PVALEF: variants seen among roughly 807,000 people sequenced by gnomAD.
PVALEF encodes the protein parvalbumin like EF-hand containing, also known as parvalbumin-like EF-hand-containing protein.
PVALEF carries 2 observed loss-of-function variants against 1.2 expected under a neutral mutation model. That is an observed-to-expected ratio of 1.68 (90% confidence interval 0.69 to 5.28). The LOEUF (loss-of-function observed/expected upper bound fraction) is 5.28, where lower values mean the gene tolerates loss of function less well. PVALEF is among the 30% of genes most tolerant of loss of function. The pLI is 0.06. For missense variants in PVALEF, 35 were observed against 17.7 expected (o/e 1.97, Z -1.75); for synonymous variants, 16 against 6.5 (o/e 2.47, Z -2.24).
chr17:81,182,872 C>T (rs561826558), intron 6 of PVALEF, 93 bp from the exon 7 acceptor site: 19 of 397,560 alleles, frequency 4.8e-5, no homozygotes, highest in African/African-American at 3.5e-4. Flanking sequence ...AGTCCAGGCA[C>T]ACTCCCTCTG....
chr17:81,167,087 G>T (rs1011751875), intron 2 of PVALEF, among the ~76,000 whole-genome samples: 1 of 152,226 alleles, frequency 6.6e-6, no homozygotes, highest in East Asian at 1.9e-4. Flanking sequence ...GTGCTCAGGG[G>T]TTCCAGACCA....
chr17:81,176,426 C>T (rs777759569), intron 2 of PVALEF, among the ~76,000 whole-genome samples: 82 of 151,984 alleles, frequency 5.4e-4, no homozygotes, highest in Non-Finnish European at 8.1e-4. Context: ...GGCTGAGGCA[C>T]GAGAATCATT....
chr17:81,174,050 G>A (rs888061716), intron 2 of PVALEF, among the ~76,000 whole-genome samples: 1 of 152,146 alleles, frequency 6.6e-6, no homozygotes, highest in Non-Finnish European at 1.5e-5. Flanking sequence ...GAAAACACGT[G>A]ATTATCTCAA....
At chr17:81,180,361 G>C (rs2061549606) in intron 3 of PVALEF, among the ~76,000 whole-genome samples, 2 of 152,228 alleles carry the variant, frequency 1.3e-5, no homozygotes, top group Non-Finnish European at 2.9e-5. Context: ...CAAGATGCCA[G>C]GGTTGGGGAA....
chr17:81,169,621 T>G (rs1436694097), intron 2 of PVALEF, among the ~76,000 whole-genome samples: 1 of 151,906 alleles, frequency 6.6e-6, no homozygotes, highest in Non-Finnish European at 1.5e-5. Flanking sequence ...CCCCTCCAGA[T>G]GCTCCAGGGG....
At chr17:81,166,115 C>A (rs2061487986) in intron 1 of PVALEF, 1 of 438,710 alleles carries the variant, frequency 2.3e-6, no homozygotes, top group Non-Finnish European at 3.0e-6. Context: ...GGCCCCCGCG[C>A]CCCGCGCCCC....
Position 81,169,974 on chromosome 17 carries a change from ACATGTGTGTG to A in PVALEF, c.-340+3141_-340+3150del, listed in dbSNP as rs201401932. On this transcript the variant is annotated intron_variant, in intron 2 of 6. Transcript: ENST00000637878. Reference sequence around the variant, plus strand: ...CACGTGTGTCGGTGTTGGTATGTGTACATGTGTGTGCATGTGTGTGTGTTGGTGTGTCTGC... The same window carrying A: ...CACGTGTGTCGGTGTTGGTATGTGTACATGTGTGTGTGTTGGTGTGTCTGC... Among the ~76,000 whole-genome samples the A allele has an allele frequency of 4.1e-3, 557 of 135,960 alleles. 30 individuals carry two copies. In the East Asian group the frequency reaches 0.093, roughly 23 times the overall value. The allele number at this position is 135,960 out of a possible 152,430, so 89.2% of individuals were successfully genotyped here. A position where few individuals can be genotyped will look rare whatever the true frequency, so the allele number is the denominator to read the frequency against.
chr17:81,168,801 T>C (rs536369404), intron 2 of PVALEF, among the ~76,000 whole-genome samples: 1 of 151,276 alleles, frequency 6.6e-6, no homozygotes, highest in East Asian at 1.9e-4. Context: ...AGCCTGGGGG[T>C]CTGGGGATTA....
intron 1 of PVALEF, 91 bp downstream of exon 1, chr17:81,165,838 G>C: frequency 6.6e-7 from 1 of 1,522,352 alleles, no homozygotes; most frequent in Non-Finnish European, 8.8e-7. Flanking sequence ...GGCGGGGAAA[G>C]GGTTAATTTC....
chr17:81,174,310 G>C (rs1213546981), intron 2 of PVALEF, among the ~76,000 whole-genome samples: 1 of 152,158 alleles, frequency 6.6e-6, no homozygotes, highest in Non-Finnish European at 1.5e-5. Context: ...GCAAGAAAAA[G>C]AAATAAAAGG....
intron 2 of PVALEF, among the ~76,000 whole-genome samples, chr17:81,170,161 G>A (rs1157437703): frequency 6.6e-6 from 1 of 151,610 alleles, no homozygotes; most frequent in Admixed American, 6.6e-5. Context: ...CATATGTGGT[G>A]TGTGTGCATG....
chr17:81,169,934 C>T (rs1307094057), intron 2 of PVALEF, among the ~76,000 whole-genome samples: 1 of 148,562 alleles, frequency 6.7e-6, no homozygotes, highest in Non-Finnish European at 1.5e-5. Flanking sequence ...GCATGTGTGT[C>T]TGCATATGTG....
Position 81,168,980 on chromosome 17 carries a change from A to G in PVALEF, c.-340+2136A>G, listed in dbSNP as rs1013366300. On this transcript the variant is annotated intron_variant, in intron 2 of 6. Coordinates refer to ENST00000637878, the MANE Select transcript of PVALEF (RefSeq NM_001354639.2). The stretch of plus-strand genomic sequence containing the variant: ...AAGCTCTGACCACACTATAACATGC[A>G]TGACACATGCTACCACATGGATGAC... Among the ~76,000 whole-genome samples, 23 of 152,394 alleles carry G rather than the reference A, an allele frequency of 1.5e-4. 1 individual carries two copies. The highest frequency in any genetic ancestry group is 4.6e-4 in the African/African-American group (19 of 41,596).
At chr17:81,171,624 TG>T (rs1451509271) in intron 2 of PVALEF, among the ~76,000 whole-genome samples, 1 of 152,114 alleles carries the variant, frequency 6.6e-6, no homozygotes, top group Admixed American at 6.5e-5. Context: ...CCCAAGTAGC[TG>T]GGACTACAGG....
chr17:81,174,555 G>A (rs892460128), intron 2 of PVALEF, among the ~76,000 whole-genome samples: 7 of 151,802 alleles, frequency 4.6e-5, no homozygotes, highest in South Asian at 2.1e-4. Flanking sequence ...TCTTGAACCC[G>A]GGAGGCAGAG....
intron 3 of PVALEF, among the ~76,000 whole-genome samples, chr17:81,180,715 C>T (rs1417164746): frequency 6.6e-6 from 1 of 152,194 alleles, no homozygotes; most frequent in African/African-American, 2.4e-5. Context: ...GGGTTGCAAC[C>T]CTTGACCTAT....
At chr17:81,178,250 G>C (rs926419628) in intron 2 of PVALEF, among the ~76,000 whole-genome samples, 2 of 152,198 alleles carry the variant, frequency 1.3e-5, no homozygotes, top group Admixed American at 1.3e-4. Flanking sequence ...CACGGCCTAT[G>C]TAAGAGGCCC....
intron 3 of PVALEF, among the ~76,000 whole-genome samples, chr17:81,179,564 C>T (rs2061546747): frequency 6.6e-6 from 1 of 152,132 alleles, no homozygotes; most frequent in Non-Finnish European, 1.5e-5. Context: ...GGCAGGGCAG[C>T]GAGTCCAAGG....
intron 2 of PVALEF, 130 bp downstream of exon 2, chr17:81,166,974 G>GC (rs1274299455): frequency 3.2e-6 from 1 of 308,054 alleles, no homozygotes; most frequent in Non-Finnish European, 6.5e-6. Context: ...CCCCCAGCCT[G>GC]CCCCCGTGGG....
Sources: gnomAD v4.1 joint callset for allele counts (sites outside exome capture counted in the v4.1 genomes callset) on GRCh38, gnomAD v4.1.1 for gene constraint, MANE v1.5 for transcripts, NCBI Gene and HGNC (gene_info 2026-07-23, HGNC 2026-07-21) for gene names.